Variants in GRM7 observed in about 807,000 individuals in gnomAD.
The protein encoded by GRM7 is metabotropic glutamate receptor 7.
A neutral mutation model predicts 84.5 loss-of-function variants in GRM7; 35 were observed. That is an observed-to-expected ratio of 0.41 (90% CI 0.32 to 0.55). GRM7 has a LOEUF of 0.55. Ranked by LOEUF, GRM7 falls within the 20% of genes least tolerant of loss-of-function variation. The pLI is 0.19. For missense variants in GRM7, 1,003 were observed against 1,194.6 expected, an observed-to-expected ratio of 0.84 and a Z score of 2.36; for synonymous variants, 487 against 455.1, an observed-to-expected ratio of 1.07 and a Z score of -0.89.
At chr3:6,944,411 T>G (rs1458942186) in intron 1 of GRM7, among the ~76,000 whole-genome samples, 1 of 152,146 alleles carries the variant, frequency 6.6e-6, no homozygotes, top group Non-Finnish European at 1.5e-5. Flanking sequence ...TAACTGATTT[T>G]TCTGCATCTA....
chr3:7,193,191 A>G (rs1695772268), intron 2 of GRM7, among the ~76,000 whole-genome samples: 1 of 152,092 alleles, frequency 6.6e-6, no homozygotes. Context: ...TAAGGGATAA[A>G]TGGGTTGGTG....
chr3:7,210,918 A>C (rs1040743682), intron 2 of GRM7, among the ~76,000 whole-genome samples: 20 of 152,206 alleles, frequency 1.3e-4, no homozygotes, highest in African/African-American at 4.8e-4. Context: ...GGGACTACCC[A>C]ATATTAGAAA....
intron 2 of GRM7, among the ~76,000 whole-genome samples, chr3:7,230,029 C>T (rs1469616733): frequency 4.0e-5 from 6 of 150,784 alleles, no homozygotes; most frequent in Admixed American, 6.6e-5. Context: ...TTAGTAGAGA[C>T]GGGGTTTCAC....
intron 1 of GRM7, among the ~76,000 whole-genome samples, chr3:6,900,155 T>C (rs1376906123): frequency 1.3e-5 from 2 of 152,174 alleles, no homozygotes; most frequent in African/African-American, 4.8e-5. Context: ...GAACAATGTG[T>C]CCTCAAAAGT....
intron 8 of GRM7, chr3:7,636,397 G>GT (rs1698097011): frequency 2.4e-6 from 1 of 422,768 alleles, no homozygotes; most frequent in African/African-American, 2.0e-5. Context: ...GACACACACT[G>GT]TCATTGTTTG....
intron 1 of GRM7, among the ~76,000 whole-genome samples, chr3:7,068,123 T>C (rs1198206320): frequency 6.6e-6 from 1 of 151,974 alleles, no homozygotes; most frequent in East Asian, 1.9e-4. Flanking sequence ...ACTGGGAGAT[T>C]GCATGGAAAT....
intron 2 of GRM7, among the ~76,000 whole-genome samples, chr3:7,255,270 A>C (rs903523167): frequency 2.0e-5 from 3 of 152,200 alleles, no homozygotes; most frequent in African/African-American, 7.2e-5. Context: ...AATAGTGTAC[A>C]TGTTGTGCTC....
intron 4 of GRM7, among the ~76,000 whole-genome samples, chr3:7,352,055 CACCACACACA>C (rs1418018193): frequency 5.0e-5 from 5 of 99,910 alleles, no homozygotes; most frequent in African/African-American, 2.1e-4. Context: ...CACACACACA[CACCACACACA>C]CACACACACA....
intron 1 of GRM7, among the ~76,000 whole-genome samples, chr3:6,935,456 A>T (rs1279168681): frequency 6.6e-6 from 1 of 151,920 alleles, no homozygotes; most frequent in Non-Finnish European, 1.5e-5. Flanking sequence ...CCACCCTAAG[A>T]GAAACATTGA....
At chr3:7,205,998 A>G (rs980910126) in intron 2 of GRM7, among the ~76,000 whole-genome samples, 4 of 152,182 alleles carry the variant, frequency 2.6e-5, no homozygotes, top group African/African-American at 7.2e-5. Context: ...ATGACATTGT[A>G]TCAATACTCT....
chr3:7,705,486 A>G (rs1701356162), intron 9 of GRM7, among the ~76,000 whole-genome samples: 1 of 152,196 alleles, frequency 6.6e-6, no homozygotes, highest in South Asian at 2.1e-4. Flanking sequence ...CCAATTGATA[A>G]CAAATACAAA....
In GRM7 at chr3:7,359,320, C is replaced by T. The variant is rs183924810; in HGVS notation, c.1033+52668C>T. 6.9e-4 allele frequency among the ~76,000 whole-genome samples: 93 copies of T among 134,820 alleles called. 13 individuals are homozygous for T. Among genetic ancestry groups the T allele is most frequent in the African/African-American group, 2.6e-3 (87 of 33,400 alleles). The allele number at this position is 134,820 out of a possible 152,430, so 88.4% of individuals were successfully genotyped here. ...TCACAAAAAGTAACTGAATCCTATT[C>T]ACCCCTCCTCCTCTTTTTTTTTTTT... On this transcript the variant is annotated intron_variant, in intron 4 of 9. Transcript: ENST00000357716.
intron 2 of GRM7, among the ~76,000 whole-genome samples, chr3:7,155,226 A>G (rs1203385293): frequency 6.6e-6 from 1 of 152,170 alleles, no homozygotes; most frequent in Non-Finnish European, 1.5e-5. Context: ...TTGGGAAAAT[A>G]GGACACCTTG....
At chr3:7,701,554 C>T (rs940627585) in intron 9 of GRM7, among the ~76,000 whole-genome samples, 2 of 152,034 alleles carry the variant, frequency 1.3e-5, no homozygotes, top group African/African-American at 4.8e-5. Context: ...CCACTCGCCT[C>T]GGCCCCCCAA....
intron 7 of GRM7, among the ~76,000 whole-genome samples, chr3:7,477,411 T>G (rs1403854869): frequency 6.6e-6 from 1 of 152,164 alleles, no homozygotes; most frequent in Non-Finnish European, 1.5e-5. Flanking sequence ...TGGTGTATAC[T>G]TAAGAAATCT....
chr3:7,099,272 TGA>T (rs1390902712), intron 1 of GRM7, among the ~76,000 whole-genome samples: 2 of 134,490 alleles, frequency 1.5e-5, no homozygotes, highest in East Asian at 4.0e-4. Flanking sequence ...CATGTATATA[TGA>T]ATACATGTAT....
intron 1 of GRM7, among the ~76,000 whole-genome samples, chr3:6,986,129 T>A (rs60446073): frequency 2.6e-5 from 4 of 152,142 alleles, no homozygotes; most frequent in Non-Finnish European, 4.4e-5. Flanking sequence ...ATAGTAGCTA[T>A]TCTTAGTAAC....
At chr3:7,411,719 G>A (rs1252513677) in intron 4 of GRM7, among the ~76,000 whole-genome samples, 6 of 152,062 alleles carry the variant, frequency 3.9e-5, no homozygotes, top group South Asian at 2.1e-4. Flanking sequence ...CATTTGGGTT[G>A]TTTCAGATTG....
chr3:7,650,963 C>T (rs1690752624), intron 8 of GRM7, among the ~76,000 whole-genome samples: 1 of 152,200 alleles, frequency 6.6e-6, no homozygotes, highest in African/African-American at 2.4e-5. Context: ...ATGAAGACTG[C>T]CTCCTGATCC....
Sources: allele counts gnomAD v4.1 joint callset (sites outside exome capture counted in the v4.1 genomes callset), GRCh38; gene constraint gnomAD v4.1.1; transcripts MANE v1.5; gene names NCBI Gene and HGNC (gene_info 2026-07-23, HGNC 2026-07-21).